Variants in EBF2 observed in about 807,000 individuals in gnomAD.
EBF2 encodes the protein EBF transcription factor 2.
A neutral mutation model predicts 72.8 loss-of-function variants in EBF2; 21 were observed. That is an observed-to-expected ratio of 0.29 (90% confidence interval 0.20 to 0.42). The LOEUF (loss-of-function observed/expected upper bound fraction) is 0.42. EBF2 is among the 10% of genes least tolerant of loss of function. EBF2 has a pLI of 1.00. For synonymous variants in EBF2, 299 were observed against 274.2 expected (o/e 1.09, Z -0.89); for missense variants, 637 against 731.2 (o/e 0.87, Z 1.49).
In EBF2 at chr8:25,858,527, A is replaced by G. The variant is rs1378920248; in HGVS notation, c.1343-23T>C. 1.9e-6 allele frequency: 3 copies of G among 1,607,174 alleles called. No individual in the cohort carries two copies. In the African/African-American group the frequency reaches 4.0e-5, roughly 21 times the overall value. On this transcript the variant is annotated intron_variant, in intron 13 of 15. Transcript: ENST00000520164. ...ACCCTTGGCAACAAAGAAAAAGCCC[A>G]GGTAAATCAACAGGCGTGCACAGTC...
intron 2 of EBF2, 136 bp from the exon 3 acceptor site, chr8:26,041,138 A>T: frequency 3.1e-6 from 3 of 979,032 alleles, no homozygotes; most frequent in Non-Finnish European, 4.7e-6. Flanking sequence ...GTTCAGCCCT[A>T]GGTCAAAGGG....
chr8:25,989,937 G>A (rs941684684), intron 6 of EBF2, among the ~76,000 whole-genome samples: 1 of 152,152 alleles, frequency 6.6e-6, no homozygotes, highest in Admixed American at 6.5e-5. Flanking sequence ...TCAACTTCTA[G>A]AGCCTAAAGC....
chr8:25,903,625 A>T (rs1378696806), intron 7 of EBF2, among the ~76,000 whole-genome samples: 1 of 152,166 alleles, frequency 6.6e-6, no homozygotes, highest in Non-Finnish European at 1.5e-5. Context: ...TGAATCCGGG[A>T]GGCGGAGTTT....
intron 6 of EBF2, among the ~76,000 whole-genome samples, chr8:25,926,293 C>T (rs776787574): frequency 2.6e-5 from 4 of 152,164 alleles, no homozygotes; most frequent in Non-Finnish European, 4.4e-5. Flanking sequence ...CTGGCTCCCC[C>T]ACTTTCACTG....
At chr8:25,933,615 G>A (rs182038505) in intron 6 of EBF2, among the ~76,000 whole-genome samples, 418 of 152,240 alleles carry the variant, frequency 2.7e-3, no homozygotes, top group Middle Eastern at 6.8e-3. Flanking sequence ...TATACCCAAA[G>A]CTTTATCTAC....
At chr8:26,034,355 C>T (rs1805461592) in intron 5 of EBF2, among the ~76,000 whole-genome samples, 1 of 152,168 alleles carries the variant, frequency 6.6e-6, no homozygotes, top group East Asian at 1.9e-4. Context: ...GCTCTGAAAA[C>T]TCCACTTTCC....
intron 6 of EBF2, among the ~76,000 whole-genome samples, chr8:25,911,714 G>T (rs1268446918): frequency 6.6e-6 from 1 of 152,188 alleles, no homozygotes; most frequent in Non-Finnish European, 1.5e-5. Context: ...TCCAAAAAGG[G>T]TTACAGTGGG....
At chr8:25,918,441 TA>T (rs1256486671) in intron 6 of EBF2, among the ~76,000 whole-genome samples, 2 of 152,252 alleles carry the variant, frequency 1.3e-5, no homozygotes, top group Non-Finnish European at 2.9e-5. Context: ...AATTTACATA[TA>T]TTACAGACTA....
At chr8:25,956,419 A>G (rs1803949139) in intron 6 of EBF2, among the ~76,000 whole-genome samples, 1 of 151,706 alleles carries the variant, frequency 6.6e-6, no homozygotes, top group Non-Finnish European at 1.5e-5. Flanking sequence ...AAAAAAAAAA[A>G]TTATTATTAT....
At chr8:26,027,755 C>T (rs1387622475) in intron 6 of EBF2, among the ~76,000 whole-genome samples, 2 of 152,136 alleles carry the variant, frequency 1.3e-5, no homozygotes, top group Non-Finnish European at 2.9e-5. Context: ...TGTGGTTCAT[C>T]CATACAACGG....
At chr8:25,858,714 C>A (rs1451205459) in intron 13 of EBF2, among the ~76,000 whole-genome samples, 1 of 129,056 alleles carries the variant, frequency 7.7e-6, no homozygotes, top group African/African-American at 3.0e-5. Context: ...GGCTGGAGTA[C>A]AGTGGCACGA....
At chr8:25,933,821 A>G (rs1803526369) in intron 6 of EBF2, among the ~76,000 whole-genome samples, 1 of 152,198 alleles carries the variant, frequency 6.6e-6, no homozygotes, top group Non-Finnish European at 1.5e-5. Context: ...AGATTATCAC[A>G]TTTTTGTTTA....
chr8:25,845,495 G>C (rs1340055575), intron 15 of EBF2, among the ~76,000 whole-genome samples: 1 of 152,126 alleles, frequency 6.6e-6, no homozygotes, highest in Non-Finnish European at 1.5e-5. Flanking sequence ...CAAAATGTTG[G>C]GATTACAGGC....
At chr8:25,918,689 C>A (rs1314601571) in intron 6 of EBF2, among the ~76,000 whole-genome samples, 4 of 152,038 alleles carry the variant, frequency 2.6e-5, no homozygotes, top group African/African-American at 4.8e-5. Context: ...CATACAAACT[C>A]AAACTAGCGT....
At chr8:25,963,696 T>C (rs1804071943) in intron 6 of EBF2, among the ~76,000 whole-genome samples, 1 of 152,222 alleles carries the variant, frequency 6.6e-6, no homozygotes, top group South Asian at 2.1e-4. Context: ...CCATTTGTTG[T>C]CATGTGGTTA....
chr8:25,919,020 G>A (rs1023981538), intron 6 of EBF2, among the ~76,000 whole-genome samples: 7 of 152,062 alleles, frequency 4.6e-5, no homozygotes, highest in Non-Finnish European at 1.5e-5. Context: ...AAAAACACCC[G>A]AGATCCATCT....
At chr8:25,890,711 C>A (rs1480954519) in intron 7 of EBF2, among the ~76,000 whole-genome samples, 2 of 152,284 alleles carry the variant, frequency 1.3e-5, no homozygotes, top group East Asian at 3.9e-4. Flanking sequence ...AAAATCTAAA[C>A]CTTTCTGAGC....
At chr8:25,900,933 C>T (rs185817151) in intron 7 of EBF2, among the ~76,000 whole-genome samples, 2 of 152,100 alleles carry the variant, frequency 1.3e-5, no homozygotes, top group Admixed American at 1.3e-4. Context: ...CAGTTAACAA[C>T]CATGTATTGT....
chr8:25,961,379 T>C (rs1219481698), intron 6 of EBF2, among the ~76,000 whole-genome samples: 1 of 152,208 alleles, frequency 6.6e-6, no homozygotes, highest in African/African-American at 2.4e-5. Flanking sequence ...TGTTTTTTGT[T>C]TTGAGACGGA....
Sources: allele counts gnomAD v4.1 joint callset (sites outside exome capture counted in the v4.1 genomes callset), GRCh38; gene constraint gnomAD v4.1.1; transcripts MANE v1.5; gene names NCBI Gene and HGNC (gene_info 2026-07-23, HGNC 2026-07-21).